KCNB2: variants seen among roughly 807,000 people sequenced by gnomAD.
KCNB2 encodes the protein potassium voltage-gated channel subfamily B member 2.
In KCNB2, 15 loss-of-function variants were observed where a neutral mutation model predicts 61.5. The observed-to-expected ratio is 0.24, with a 90% CI of 0.16 to 0.38. The LOEUF is 0.38. Ranked by LOEUF, KCNB2 falls within the 10% of genes least tolerant of loss-of-function variation. KCNB2 has a pLI of 1.00. For synonymous variants in KCNB2, 457 were observed against 446.0 expected (o/e 1.02, Z -0.31); for missense variants, 828 against 1,125.2 (o/e 0.74, Z 3.78).
chr8:72,634,399 C>G (rs1243382944), intron 2 of KCNB2, among the ~76,000 whole-genome samples: 2 of 152,116 alleles, frequency 1.3e-5, no homozygotes, highest in African/African-American at 4.8e-5. Context: ...TGAGATGAGG[C>G]CTGAAATTTC....
chr8:72,911,471 G>A (rs1266308303), intron 2 of KCNB2, among the ~76,000 whole-genome samples: 1 of 152,224 alleles, frequency 6.6e-6, no homozygotes, highest in Non-Finnish European at 1.5e-5. Context: ...CCTGGAAATA[G>A]CATTGAACAG....
At chr8:72,763,809 A>G (rs1425178102) in intron 2 of KCNB2, among the ~76,000 whole-genome samples, 3 of 152,208 alleles carry the variant, frequency 2.0e-5, no homozygotes, top group Non-Finnish European at 4.4e-5. Context: ...AGCTTAAACA[A>G]TAAGTATTAT....
At chr8:72,716,225 C>T (rs1402536749) in intron 2 of KCNB2, among the ~76,000 whole-genome samples, 4 of 152,048 alleles carry the variant, frequency 2.6e-5, no homozygotes, top group African/African-American at 9.7e-5. Context: ...CCGAATTCTA[C>T]CAGAGGTACA....
At chr8:72,917,865 G>A (rs2128158) in intron 2 of KCNB2, among the ~76,000 whole-genome samples, 18,344 of 152,146 alleles carry the variant, frequency 0.12, 1,304 homozygotes, top group African/African-American at 0.2. Flanking sequence ...AGTGATATCA[G>A]GTTGGTAGAA....
In KCNB2 at chr8:72,802,319, A is replaced by G. The variant is rs149629478; in HGVS notation, c.580-133616A>G. 7.1e-4 allele frequency among the ~76,000 whole-genome samples: 108 copies of G among 152,324 alleles called. 1 individual carries two copies. Among genetic ancestry groups the G allele is most frequent in the Non-Finnish European group, 8.2e-4 (56 of 68,028 alleles). On this transcript the variant is annotated intron_variant, in intron 2 of 2. Coordinates refer to ENST00000523207, the MANE Select transcript of KCNB2 (RefSeq NM_004770.3). Reference sequence around the variant, plus strand: ...TTATTGGTAACAATAGTTACCATCCATATAGTCACTGCTCTTAGAATAACA... The same window carrying G: ...TTATTGGTAACAATAGTTACCATCCGTATAGTCACTGCTCTTAGAATAACA...
intron 2 of KCNB2, among the ~76,000 whole-genome samples, chr8:72,627,990 G>C (rs982539064): frequency 6.6e-6 from 1 of 151,248 alleles, no homozygotes; most frequent in Non-Finnish European, 1.5e-5. Context: ...GTCTTGCTCT[G>C]TCACCCAGGC....
intron 2 of KCNB2, among the ~76,000 whole-genome samples, chr8:72,932,531 T>C (rs1476901117): frequency 3.9e-5 from 6 of 152,156 alleles, no homozygotes; most frequent in African/African-American, 1.2e-4. Flanking sequence ...AAAACTTGTT[T>C]AATCCTAAAC....
At chr8:72,637,318 T>A (rs944639206) in intron 2 of KCNB2, among the ~76,000 whole-genome samples, 2 of 152,210 alleles carry the variant, frequency 1.3e-5, no homozygotes, top group Non-Finnish European at 2.9e-5. Context: ...AAAATTCGTC[T>A]GTTTTTGCTT....
At chr8:72,934,919 T>C (rs1026378212) in intron 2 of KCNB2, among the ~76,000 whole-genome samples, 4 of 152,090 alleles carry the variant, frequency 2.6e-5, no homozygotes, top group Admixed American at 2.6e-4. Context: ...CTATGTCCTA[T>C]ATGGCTTTAC....
At chr8:72,929,886 G>T (rs1305876047) in intron 2 of KCNB2, among the ~76,000 whole-genome samples, 1 of 151,550 alleles carries the variant, frequency 6.6e-6, no homozygotes, top group Non-Finnish European at 1.5e-5. Flanking sequence ...TGCCATGTTG[G>T]TGTGCTGCAC....
rs1373813058 is a variant in KCNB2 at position 72,790,196 on chromosome 8, A to G, written c.580-145739A>G. Among the ~76,000 whole-genome samples, 3 of 152,290 alleles carry G rather than the reference A, an allele frequency of 2.0e-5. No homozygotes were observed. In the East Asian group the frequency reaches 5.8e-4, roughly 29 times the overall value. On this transcript the variant is annotated intron_variant, in intron 2 of 2. Coordinates refer to ENST00000523207, the MANE Select transcript of KCNB2 (RefSeq NM_004770.3). ...GTCAGGGCTGGAAGTGGTGATTTGGAACCAATTATCCATAGGCCTTGACCT... is the reference window on the plus strand; with the variant it reads ...GTCAGGGCTGGAAGTGGTGATTTGGGACCAATTATCCATAGGCCTTGACCT...
chr8:72,702,928 C>T (rs554115080), intron 2 of KCNB2, among the ~76,000 whole-genome samples: 1 of 152,156 alleles, frequency 6.6e-6, no homozygotes, highest in Non-Finnish European at 1.5e-5. Flanking sequence ...CTGTGCACTG[C>T]GTCTGCACTA....
At chr8:72,556,565 T>G (rs928811309) in intron 1 of KCNB2, among the ~76,000 whole-genome samples, 1 of 152,142 alleles carries the variant, frequency 6.6e-6, no homozygotes, top group African/African-American at 2.4e-5. Context: ...TAATAATGAA[T>G]AGAAATAATA....
chr8:72,722,200 T>A (rs747783692), intron 2 of KCNB2, among the ~76,000 whole-genome samples: 1 of 152,210 alleles, frequency 6.6e-6, no homozygotes, highest in Non-Finnish European at 1.5e-5. Flanking sequence ...CCCAGCAGCA[T>A]GCACCTCCTC....
chr8:72,784,867 C>T (rs1808822080), intron 2 of KCNB2, among the ~76,000 whole-genome samples: 1 of 152,014 alleles, frequency 6.6e-6, no homozygotes, highest in African/African-American at 2.4e-5. Flanking sequence ...CTGAGCTTGC[C>T]CCTCATCCCC....
chr8:72,910,192 T>C (rs147823130), intron 2 of KCNB2, among the ~76,000 whole-genome samples: 6 of 152,358 alleles, frequency 3.9e-5, no homozygotes, highest in African/African-American at 1.4e-4. Flanking sequence ...TAATGTTACC[T>C]ACTTCATAGG....
chr8:72,678,716 T>C (rs1806703519), intron 2 of KCNB2, among the ~76,000 whole-genome samples: 3 of 152,252 alleles, frequency 2.0e-5, no homozygotes. Context: ...TTTGTTTGTA[T>C]CATGGGCCAT....
At chr8:72,917,685 T>C (rs1390908279) in intron 2 of KCNB2, among the ~76,000 whole-genome samples, 3 of 152,206 alleles carry the variant, frequency 2.0e-5, no homozygotes, top group African/African-American at 7.2e-5. Flanking sequence ...TGGTCCCTTA[T>C]ACCAAAATAT....
rs577974997 is a variant in KCNB2, at chr8:72,665,561, G to GT, written c.579+97249dup. Reference sequence around the variant, plus strand: ...AACATAATAGAGGTGTATCATCAGGGTATTTGGGGAAAAATCTCTTATTCA... The same window carrying GT: ...AACATAATAGAGGTGTATCATCAGGGTTATTTGGGGAAAAATCTCTTATTCA... On this transcript the variant is annotated intron_variant, in intron 2 of 2. Coordinates refer to ENST00000523207, the MANE Select transcript of KCNB2 (RefSeq NM_004770.3). Among the ~76,000 whole-genome samples, 150 of 123,790 alleles carry GT rather than the reference G, an allele frequency of 1.2e-3. 2 individuals are homozygous for GT. The South Asian group carries it at 0.027, about 22-fold the overall frequency. The allele number at this position is 123,790 out of a possible 152,430, so 81.2% of individuals were successfully genotyped here. A position where few individuals can be genotyped will look rare whatever the true frequency, so the allele number is the denominator to read the frequency against.
Sources: gnomAD v4.1 joint callset for allele counts (sites outside exome capture counted in the v4.1 genomes callset) on GRCh38, gnomAD v4.1.1 for gene constraint, MANE v1.5 for transcripts, NCBI Gene and HGNC (gene_info 2026-07-23, HGNC 2026-07-21) for gene names.